GSDMC: variants seen among roughly 807,000 people sequenced by gnomAD.
GSDMC encodes the protein gasdermin-C.
Under a neutral mutation model 58.0 loss-of-function variants are expected in GSDMC, and 59 were observed. The observed-to-expected ratio is 1.02, with a 90% CI of 0.82 to 1.26. GSDMC has a LOEUF of 1.26. GSDMC is among the 50% of genes most tolerant of loss of function. The probability of loss-of-function intolerance (pLI) is 0.00; values close to 1 mark genes in which losing one functional copy is unlikely to be tolerated. For missense variants in GSDMC, 659 were observed against 598.5 expected (o/e 1.10, Z -1.06); for synonymous variants, 241 against 220.2 (o/e 1.09, Z -0.83).
the GSDMC span, among the ~76,000 whole-genome samples, chr8:129,731,923 C>G: frequency 1.7e-3 from 258 of 152,320 alleles, 4 homozygotes; most frequent in African/African-American, 4.8e-3. Flanking sequence ...AGAGGAGAAG[C>G]AAGAGAAGCC....
chr8:129,772,381 C>T (rs1324047483), intron 3 of GSDMC, among the ~76,000 whole-genome samples: 4 of 151,256 alleles, frequency 2.6e-5, no homozygotes, highest in Admixed American at 2.6e-4. Flanking sequence ...TTGACAAACC[C>T]TTAGCTAGAC....
At chr8:129,766,070 C>G (rs917140596) in intron 3 of GSDMC, among the ~76,000 whole-genome samples, 2 of 152,030 alleles carry the variant, frequency 1.3e-5, no homozygotes, top group Non-Finnish European at 2.9e-5. Flanking sequence ...TAAGGGGTAA[C>G]TTATAGAATT....
chr8:129,748,348 CAAA>C lies in GSDMC; in HGVS notation c.*150_*152del, dbSNP rs2033019824. The C allele has an allele frequency of 9.1e-6, 6 of 657,284 alleles. No homozygotes were observed. Among genetic ancestry groups the C allele is most frequent in the Non-Finnish European group, 1.5e-5 (6 of 407,736 alleles). 40.7% of individuals were successfully genotyped at this position (657,284 alleles called of 1,614,324 possible). On this transcript the variant is annotated 3_prime_UTR_variant, in exon 14 of 14. Coordinates refer to ENST00000276708, the MANE Select transcript of GSDMC (RefSeq NM_031415.3). ...CAATATATAGAGTATTCCACCACCC[CAAA>C]ACATTTCCTAAAGTCTCTACCCATT...
intron 3 of GSDMC, among the ~76,000 whole-genome samples, chr8:129,771,998 C>T (rs1186497836): frequency 6.6e-6 from 1 of 152,176 alleles, no homozygotes; most frequent in African/African-American, 2.4e-5. Context: ...GGCGCAGTGG[C>T]TCACACCTGT....
the GSDMC span, among the ~76,000 whole-genome samples, chr8:129,720,832 A>T: frequency 6.6e-6 from 1 of 152,206 alleles, no homozygotes; most frequent in Non-Finnish European, 1.5e-5. Flanking sequence ...TTTGGTTTCA[A>T]ATTCTAGCCA....
At chr8:129,716,718 G>T in the GSDMC span, among the ~76,000 whole-genome samples, 1 of 152,132 alleles carries the variant, frequency 6.6e-6, no homozygotes, top group African/African-American at 2.4e-5. Context: ...AGTGCTTCCA[G>T]GTTTTGCCTA....
chr8:129,765,733 C>T lies in GSDMC; in HGVS notation c.465G>A (p.Leu155=), dbSNP rs1586599016. The change falls in exon 4 of 14, where the codon CTG becomes CTA. Residue 155 remains leucine, a synonymous_variant. Transcript: ENST00000276708. ...GTTCAACAGCCTCTGTCACCACGTA[C>T]AGGTTGTCCCCTCTCCTCCGGCACT... ...LKECRRRGDN[L]YVVTEAVELI... 8.1e-6 allele frequency: 13 copies of T among 1,612,966 alleles called. No individual in the cohort carries two copies. The East Asian group carries it at 2.9e-4, about 36-fold the overall frequency.
rs1158967038 is a variant in GSDMC, at chr8:129,748,688, G to T, written c.1340C>A (p.Thr447Asn). Residue 447 changes from threonine (T) to asparagine (N), a missense_variant, in exon 14 of 14, where the codon ACC becomes AAC. By Grantham distance (65) the Thr-to-Asn change is moderately conservative. Coordinates refer to ENST00000276708, the MANE Select transcript of GSDMC (RefSeq NM_031415.3). The part of the protein sequence containing the change: ...NFRYPWSIPF[T>N]LKPELLAPLQ... Reference sequence around the variant, plus strand: ...TGGGGCGAGGAGCTCAGGTTTGAGGGTGAAGGGAATGCTCCAGGGGTATCT... The same window carrying T: ...TGGGGCGAGGAGCTCAGGTTTGAGGTTGAAGGGAATGCTCCAGGGGTATCT... The T allele has an allele frequency of 5.6e-6, 9 of 1,601,106 alleles. No individual in the cohort carries two copies. In the Admixed American group the frequency reaches 1.0e-4, roughly 18 times the overall value.
chr8:129,746,630 T>C (rs1469423478), downstream of GSDMC, among the ~76,000 whole-genome samples: 1 of 152,318 alleles, frequency 6.6e-6, no homozygotes, highest in East Asian at 1.9e-4. Context: ...TTAAAGTGCT[T>C]AACTTCAAGG....
At chr8:129,707,972 C>T in the GSDMC span, among the ~76,000 whole-genome samples, 2 of 152,154 alleles carry the variant, frequency 1.3e-5, no homozygotes, top group Admixed American at 6.5e-5. Flanking sequence ...ATGCTGATCT[C>T]CCAGGCATCG....
intron 3 of GSDMC, among the ~76,000 whole-genome samples, chr8:129,774,665 C>A (rs1410240184): frequency 6.6e-6 from 1 of 151,842 alleles, no homozygotes; most frequent in Non-Finnish European, 1.5e-5. Flanking sequence ...AAACCATATG[C>A]CTGATAAAGG....
At chr8:129,755,547 A>G (rs2033394053) in intron 6 of GSDMC, among the ~76,000 whole-genome samples, 1 of 152,198 alleles carries the variant, frequency 6.6e-6, no homozygotes, top group African/African-American at 2.4e-5. Flanking sequence ...CTCACTGCTA[A>G]TAGGAAGCAC....
At chr8:129,718,689 A>C in the GSDMC span, among the ~76,000 whole-genome samples, 100,854 of 152,080 alleles carry the variant, frequency 0.66, 35,581 homozygotes, top group African/African-American at 0.91. Flanking sequence ...TGGGTATATA[A>C]CCAAAGGATT....
At chr8:129,711,566 G>A in the GSDMC span, among the ~76,000 whole-genome samples, 23 of 152,290 alleles carry the variant, frequency 1.5e-4, 1 homozygote, top group East Asian at 2.1e-3. Context: ...AAGGCTGACC[G>A]TTGCAAAGAA....
the GSDMC span, among the ~76,000 whole-genome samples, chr8:129,732,287 A>AC: frequency 2.2e-5 from 3 of 133,368 alleles, no homozygotes; most frequent in East Asian, 2.1e-4. Flanking sequence ...TTCTTTATAA[A>AC]TTAAAAAAAA....
In GSDMC at chr8:129,750,446, C is replaced by T. The variant is rs774479638; in HGVS notation, c.1068G>A (p.Gln356=). 2 of 1,613,896 alleles carry T rather than the reference C, an allele frequency of 1.2e-6. No individual in the cohort carries two copies. The highest frequency in any genetic ancestry group is 4.5e-5 in the East Asian group (2 of 44,892). ...LAMLRDRGAL[Q]DLMNMLELDS... ...AGCCCCTCACCATGTTCATCAGGTC[C>T]TGTAGAGCCCCTCTGTCTCTGAGCA... is the stretch of plus-strand genomic sequence containing the variant. Residue 356 remains glutamine (Q), a synonymous_variant, in exon 11 of 14, where the codon CAG becomes CAA. Coordinates refer to ENST00000276708, the MANE Select transcript of GSDMC (RefSeq NM_031415.3).
At chr8:129,752,546 G>C in intron 7 of GSDMC, 152 bp downstream of exon 7, 1 of 1,243,582 alleles carries the variant, frequency 8.0e-7, no homozygotes, top group Non-Finnish European at 1.1e-6. Flanking sequence ...TAAGTTCTAA[G>C]CAAAAAAACA....
intron 1 of GSDMC, among the ~76,000 whole-genome samples, chr8:129,778,256 A>G (rs1227637050): frequency 6.6e-6 from 1 of 152,208 alleles, no homozygotes; most frequent in African/African-American, 2.4e-5. Flanking sequence ...TTTGGAAGCA[A>G]TGGATGCCTG....
At chr8:129,778,464 G>A (rs528957288) in intron 1 of GSDMC, among the ~76,000 whole-genome samples, 61 of 151,990 alleles carry the variant, frequency 4.0e-4, no homozygotes, top group African/African-American at 1.4e-3. Context: ...AACTCAAGAC[G>A]AATAAAAGAC....
Sources: allele counts gnomAD v4.1 joint callset (sites outside exome capture counted in the v4.1 genomes callset), GRCh38; gene constraint gnomAD v4.1.1; transcripts MANE v1.5; gene names NCBI Gene and HGNC (gene_info 2026-07-23, HGNC 2026-07-21).